The following ZNG1A variants were observed in gnomAD, a reference collection of about 807,000 sequenced individuals.
ZNG1A encodes Zn regulated GTPase metalloprotein activator 1A.
At chr9:172,563 A>G in the ZNG1A span, 16 of 159,914 alleles carry the variant, frequency 1.0e-4, no homozygotes, top group Non-Finnish European at 2.1e-4. Context: ...ATATAATTCT[A>G]TTTTACATTA....
chr9:176,512 G>C, the ZNG1A span, among the ~76,000 whole-genome samples: 1 of 151,656 alleles, frequency 6.6e-6, no homozygotes, highest in Non-Finnish European at 1.5e-5. Flanking sequence ...AAGTTTTCTA[G>C]TATATAACTA....
At chr9:174,226 A>G in the ZNG1A span, among the ~76,000 whole-genome samples, 1 of 151,842 alleles carries the variant, frequency 6.6e-6, no homozygotes, top group Admixed American at 6.6e-5. Flanking sequence ...AATAAACTAC[A>G]TTTGAAATGC....
At chr9:140,346 T>A in the ZNG1A span, among the ~76,000 whole-genome samples, 1 of 151,314 alleles carries the variant, frequency 6.6e-6, no homozygotes, top group African/African-American at 2.4e-5. Flanking sequence ...CTCAAGTGGG[T>A]CCCTGACCCC....
chr9:162,957 T>A, the ZNG1A span, among the ~76,000 whole-genome samples: 1 of 152,250 alleles, frequency 6.6e-6, no homozygotes, highest in African/African-American at 2.4e-5. Context: ...ATCCAACTCA[T>A]AAATGTTCTA....
At chr9:121,198 T>C in the ZNG1A span, 1 of 420,036 alleles carries the variant, frequency 2.4e-6, no homozygotes, top group East Asian at 3.7e-5. Flanking sequence ...TTATAAACTT[T>C]CATGTTCAGT....
chr9:163,090 T>C, the ZNG1A span, among the ~76,000 whole-genome samples: 18 of 151,078 alleles, frequency 1.2e-4, no homozygotes, highest in African/African-American at 4.1e-4. Context: ...CCACATATAT[T>C]AGAGCTCAAT....
At chr9:171,233 G>A in the ZNG1A span, among the ~76,000 whole-genome samples, 3 of 151,830 alleles carry the variant, frequency 2.0e-5, no homozygotes, top group Admixed American at 6.6e-5. Flanking sequence ...GAACTCTCAG[G>A]ATACTTCAAT....
the ZNG1A span, among the ~76,000 whole-genome samples, chr9:174,522 A>C: frequency 6.6e-6 from 1 of 152,082 alleles, no homozygotes; most frequent in Non-Finnish European, 1.5e-5. Flanking sequence ...AATAAAGAAA[A>C]TAGTAAGAAT....
chr9:162,160 T>C, the ZNG1A span, among the ~76,000 whole-genome samples: 1 of 149,052 alleles, frequency 6.7e-6, no homozygotes, highest in Non-Finnish European at 1.5e-5. Context: ...TTGTGAAGAG[T>C]TATACATACC....
At chr9:138,585 T>C in the ZNG1A span, among the ~76,000 whole-genome samples, 3 of 147,938 alleles carry the variant, frequency 2.0e-5, no homozygotes, top group Non-Finnish European at 3.0e-5. Flanking sequence ...TTTAAGGGCA[T>C]GGCTAAGGCA....
At chr9:145,726 T>G in the ZNG1A span, among the ~76,000 whole-genome samples, 2 of 150,632 alleles carry the variant, frequency 1.3e-5, no homozygotes, top group Non-Finnish European at 3.0e-5. Flanking sequence ...TAAAAAAAAC[T>G]CAAGAAAAAA....
the ZNG1A span, chr9:121,576 G>A: frequency 1.2e-6 from 2 of 1,605,270 alleles, no homozygotes; most frequent in Non-Finnish European, 1.7e-6. Context: ...ATTTCTGCCT[G>A]CAAACAAAAC....
At chr9:175,168 A>T in the ZNG1A span, among the ~76,000 whole-genome samples, 107 of 152,298 alleles carry the variant, frequency 7.0e-4, no homozygotes, top group African/African-American at 2.5e-3. Flanking sequence ...TCACAAGGCC[A>T]GGAGCTCAAG....
the ZNG1A span, among the ~76,000 whole-genome samples, chr9:139,527 T>A: frequency 6.6e-6 from 1 of 151,872 alleles, no homozygotes; most frequent in Non-Finnish European, 1.5e-5. Flanking sequence ...ATGTTCTTAC[T>A]ACAATAAAAA....
At chr9:142,479 G>A in the ZNG1A span, among the ~76,000 whole-genome samples, 1 of 112,134 alleles carries the variant, frequency 8.9e-6, no homozygotes, top group Non-Finnish European at 1.7e-5. Flanking sequence ...AAATAAAGAT[G>A]TTCTTTGAAA....
At chr9:146,262 A>C in the ZNG1A span, 7 of 1,365,006 alleles carry the variant, frequency 5.1e-6, no homozygotes, top group Admixed American at 1.1e-4. Flanking sequence ...CATAAAATTC[A>C]TAGAAGTGGG....
At chr9:161,528 T>C in the ZNG1A span, 5 of 1,237,448 alleles carry the variant, frequency 4.0e-6, no homozygotes, top group South Asian at 6.3e-5. Context: ...AAACAGACAC[T>C]AATTTTTAAA....
At chr9:150,126 T>TTG in the ZNG1A span, 2 of 120,578 alleles carry the variant, frequency 1.7e-5, no homozygotes, top group African/African-American at 6.5e-5. Context: ...GTTTTGTTTT[T>TTG]TTTTTTTTTT....
chr9:175,769 G>A, the ZNG1A span: 8 of 1,204,810 alleles, frequency 6.6e-6, no homozygotes, highest in South Asian at 1.5e-5. Flanking sequence ...GTTCAGAAGT[G>A]TTGTCTTCCC....
Sources: gnomAD v4.1 joint callset for allele counts (sites outside exome capture counted in the v4.1 genomes callset) on GRCh38, gnomAD v4.1.1 for gene constraint, MANE v1.5 for transcripts, NCBI Gene and HGNC (gene_info 2026-07-23, HGNC 2026-07-21) for gene names.